The following RSPH10B variants were observed in gnomAD, a reference collection of about 807,000 sequenced individuals.
RSPH10B encodes radial spoke head 10 homolog B.
Under a neutral mutation model 52.5 loss-of-function variants are expected in RSPH10B, and 7 were observed. The observed-to-expected ratio is 0.13, with a 90% CI of 0.08 to 0.25. RSPH10B has a LOEUF of 0.25. Among genes scored for constraint, RSPH10B ranks in the 10% least tolerant of loss-of-function variants. The pLI, the probability that RSPH10B is intolerant of heterozygous loss-of-function variation, is 1.00. For synonymous variants in RSPH10B, 28 were observed against 193.2 expected (o/e 0.14, Z 7.09); for missense variants, 89 against 542.5 (o/e 0.16, Z 8.30).
chr7:5,931,659 T>G (rs1779779485), intron 17 of RSPH10B, among the ~76,000 whole-genome samples: 1 of 149,894 alleles, frequency 6.7e-6, no homozygotes, highest in African/African-American at 2.5e-5. Context: ...ATCCAGGAGT[T>G]CAAGACCAGC....
intron 1 of RSPH10B, among the ~76,000 whole-genome samples, chr7:5,966,345 A>T (rs2128643355): frequency 9.0e-6 from 1 of 111,152 alleles, no homozygotes; most frequent in East Asian, 2.3e-4. Flanking sequence ...CACCACAATA[A>T]ACTCTATATA....
In RSPH10B at chr7:5,931,938, A is replaced by T. The variant is rs1299614154; in HGVS notation, c.2233+844T>A. Among the ~76,000 whole-genome samples the T allele has an allele frequency of 4.0e-5, 6 of 151,398 alleles. No homozygotes were observed. In the Admixed American group the frequency reaches 4.0e-4, roughly 10 times the overall value. ...CAGGAGGCAGAGGTTGCAGTGAGCT[A>T]TGATGGCACCACTGCACTCCAGCCT... On this transcript the variant is annotated intron_variant, in intron 17 of 18. Coordinates refer to ENST00000337579, the Ensembl canonical transcript of RSPH10B.
intron 13 of RSPH10B, among the ~76,000 whole-genome samples, chr7:5,942,004 T>C (rs1780218280): frequency 6.7e-6 from 1 of 149,508 alleles, no homozygotes. Context: ...GCAATTCTCC[T>C]GCCTCAGCCT....
chr7:5,938,349 C>T (rs1182839981), intron 14 of RSPH10B, among the ~76,000 whole-genome samples: 4 of 117,358 alleles, frequency 3.4e-5, no homozygotes, highest in Admixed American at 2.6e-4. Flanking sequence ...AGGTGGATCA[C>T]GAGGTCAGGA....
At chr7:5,927,902 C>T in intron 18 of RSPH10B, 1 of 502,648 alleles carries the variant, frequency 2.0e-6, no homozygotes, top group Non-Finnish European at 3.5e-6. Context: ...TACCACCCCA[C>T]TCTAGCCTGG....
chr7:5,931,270 T>C (rs560590717), intron 17 of RSPH10B, among the ~76,000 whole-genome samples: 2 of 149,536 alleles, frequency 1.3e-5, no homozygotes, highest in African/African-American at 2.5e-5. Context: ...ATGCAGCACA[T>C]GTGTGCCGAT....
chr7:5,942,912 T>TA lies in RSPH10B; in HGVS notation c.1758+411_1758+412insT, dbSNP rs1562567124. On this transcript the variant is annotated intron_variant, in intron 13 of 18. Transcript: ENST00000337579. The stretch of plus-strand genomic sequence containing the variant: ...ATATATTTATTATATATATATTTAT[T>TA]TATATATATATATATTTTTTTTTAA... Among the ~76,000 whole-genome samples, 429 of 93,170 alleles carry TA rather than the reference T, an allele frequency of 4.6e-3. 3 individuals are homozygous for TA. Among genetic ancestry groups the TA allele is most frequent in the African/African-American group, 0.014 (395 of 27,906 alleles). 61.1% of individuals were successfully genotyped at this position (93,170 alleles called of 152,430 possible).
chr7:5,947,504 G>A (rs1431472815), intron 10 of RSPH10B, among the ~76,000 whole-genome samples: 2 of 48,586 alleles, frequency 4.1e-5, no homozygotes, highest in Non-Finnish European at 8.0e-5. Flanking sequence ...ATCTGAGGTC[G>A]GGAGTTCGAG....
chr7:5,931,463 C>A (rs1432443831), intron 17 of RSPH10B, among the ~76,000 whole-genome samples: 2 of 151,508 alleles, frequency 1.3e-5, no homozygotes, highest in East Asian at 1.9e-4. Context: ...CGGTGGCTCA[C>A]ACCTGTAATC....
intron 13 of RSPH10B, among the ~76,000 whole-genome samples, chr7:5,941,622 T>C (rs1345571789): frequency 6.8e-6 from 1 of 147,312 alleles, no homozygotes; most frequent in Non-Finnish European, 1.5e-5. Context: ...TGCACGCCTT[T>C]AGTCCCAGCT....
chr7:5,961,585 C>T lies in RSPH10B; in HGVS notation c.400-721G>A, dbSNP rs1378091195. 6.0e-3 allele frequency among the ~76,000 whole-genome samples: 507 copies of T among 85,080 alleles called. 1 individual carries two copies. Among genetic ancestry groups the T allele is most frequent in the African/African-American group, 0.021 (488 of 23,016 alleles). 55.8% of individuals were successfully genotyped at this position (85,080 alleles called of 152,430 possible). A position where few individuals can be genotyped will look rare whatever the true frequency, so the allele number is the denominator to read the frequency against. On this transcript the variant is annotated intron_variant, in intron 3 of 18. Transcript: ENST00000337579. ...CTCGAACTCCTGACCTGAGGTGATC[C>T]ACCTGCCTCGGCTTCCCAAAGTGCT...
intron 3 of RSPH10B, among the ~76,000 whole-genome samples, chr7:5,961,214 G>A (rs1200207428): frequency 7.4e-5 from 10 of 134,680 alleles, no homozygotes; most frequent in Admixed American, 2.2e-4. Context: ...TTGGCAAGGT[G>A]CAGTGGCTCA....
intron 16 of RSPH10B, 137 bp from the exon 19 acceptor site, chr7:5,933,012 TGAC>T (rs1448714345): frequency 3.6e-5 from 2 of 56,224 alleles, no homozygotes; most frequent in African/African-American, 1.8e-4. Context: ...GACTTTAATT[TGAC>T]TTTTTTTTTT....
At chr7:5,928,522 A>T in intron 17 of RSPH10B, 128 bp from the exon 20 acceptor site, 1 of 1,432,572 alleles carries the variant, frequency 7.0e-7, no homozygotes, top group Non-Finnish European at 9.8e-7. Flanking sequence ...AGGGGAGAGG[A>T]GTAAGGACGC....
intron 18 of RSPH10B, among the ~76,000 whole-genome samples, chr7:5,927,058 G>GTATTGTGTGTAT (rs1562553153): frequency 1.2e-5 from 1 of 82,996 alleles, no homozygotes; most frequent in African/African-American, 5.4e-5. Context: ...TTATGTGTGT[G>GTATTGTGTGTAT]TGTGTGTGTA....
intron 13 of RSPH10B, among the ~76,000 whole-genome samples, chr7:5,940,373 C>T (rs951050552): frequency 1.0e-4 from 1 of 9,590 alleles, no homozygotes; most frequent in African/African-American, 3.5e-4. Context: ...CATGGTGGCA[C>T]GCACCTATAA....
chr7:5,927,060 G>T (rs1332300902), intron 18 of RSPH10B, among the ~76,000 whole-genome samples: 3 of 72,686 alleles, frequency 4.1e-5, no homozygotes, highest in African/African-American at 6.1e-5. Context: ...ATGTGTGTGT[G>T]TGTGTGTATA....
intron 18 of RSPH10B, among the ~76,000 whole-genome samples, chr7:5,927,076 G>GTATATATATA (rs1383646838): frequency 0.13 from 16,373 of 126,692 alleles, 746 homozygotes; most frequent in East Asian, 0.5. Context: ...GTATATGTGT[G>GTATATATATA]TGTGTGTGTG....
chr7:5,968,559 T>C (rs550361430), upstream of RSPH10B, among the ~76,000 whole-genome samples: 578 of 70,112 alleles, frequency 8.2e-3, 11 homozygotes, highest in African/African-American at 0.025. Flanking sequence ...CAGGCTGGAG[T>C]GCGGTGGTGC....
Sources: allele counts gnomAD v4.1 joint callset (sites outside exome capture counted in the v4.1 genomes callset), GRCh38; gene constraint gnomAD v4.1.1; transcripts MANE v1.5; gene names NCBI Gene and HGNC (gene_info 2026-07-23, HGNC 2026-07-21).